GNG7: variants seen among roughly 807,000 people sequenced by gnomAD.
GNG7 encodes the protein guanine nucleotide-binding protein G(I)/G(S)/G(O) subunit gamma-7.
Under a neutral mutation model 4.0 loss-of-function variants are expected in GNG7, and 1 was observed. The observed-to-expected ratio is 0.25, with a 90% confidence interval of 0.09 to 1.18. GNG7 has a LOEUF of 1.18. Among genes scored for constraint, GNG7 ranks in the 50% most tolerant of loss-of-function variants. GNG7 has a pLI of 0.50. For missense variants in GNG7, 86 were observed against 91.9 expected (o/e 0.94, Z 0.26); for synonymous variants, 34 against 36.9 (o/e 0.92, Z 0.29).
At chr19:2,646,456 G>A (rs1331027876) in intron 1 of GNG7, among the ~76,000 whole-genome samples, 176 bp from the exon 2 acceptor site, 1 of 152,200 alleles carries the variant, frequency 6.6e-6, no homozygotes, top group African/African-American at 2.4e-5. Context: ...GGGAGGCCAA[G>A]GCAGGTGGAT....
At chr19:2,643,855 G>C (rs1982587156) in intron 2 of GNG7, 1 of 349,116 alleles carries the variant, frequency 2.9e-6, no homozygotes, top group African/African-American at 2.1e-5. Flanking sequence ...GAGCTGCCCC[G>C]ATCCCAACCC....
At chr19:2,644,686 C>G (rs757586701) in intron 2 of GNG7, among the ~76,000 whole-genome samples, 12 of 152,022 alleles carry the variant, frequency 7.9e-5, no homozygotes, top group Non-Finnish European at 1.5e-4. Flanking sequence ...TGGATCGGCC[C>G]GTCCTGAACC....
intron 2 of GNG7, among the ~76,000 whole-genome samples, chr19:2,619,491 G>A (rs892043042): frequency 7.2e-5 from 11 of 152,336 alleles, no homozygotes; most frequent in Middle Eastern, 3.4e-3. Context: ...GCCCTAATCA[G>A]GGTGAAGGGC....
chr19:2,524,418 T>C (rs1233147114), intron 3 of GNG7, among the ~76,000 whole-genome samples: 1 of 152,224 alleles, frequency 6.6e-6, no homozygotes, highest in Non-Finnish European at 1.5e-5. Context: ...CATGTCAGTG[T>C]GCACATGTGT....
In GNG7 at chr19:2,597,778, G is replaced by C. The variant is rs541358853; in HGVS notation, c.-77-42590C>G. Reference sequence around the variant, plus strand: ...AGGCGTGGTGGCGGGCGCCTGTAGTGCCAGCTACTCGGGAGGCTGAGGCAG... The same window carrying C: ...AGGCGTGGTGGCGGGCGCCTGTAGTCCCAGCTACTCGGGAGGCTGAGGCAG... On this transcript the variant is annotated intron_variant, in intron 2 of 4. Coordinates refer to ENST00000382159, the MANE Select transcript of GNG7 (RefSeq NM_052847.3). Among the ~76,000 whole-genome samples the C allele has an allele frequency of 5.7e-5, 8 of 141,472 alleles. No individual in the cohort carries two copies. In the South Asian group the frequency reaches 9.2e-4, roughly 16 times the overall value. The allele number at this position is 141,472 out of a possible 152,430, so 92.8% of individuals were successfully genotyped here. A position where few individuals can be genotyped will look rare whatever the true frequency, so the allele number is the denominator to read the frequency against.
intron 1 of GNG7, among the ~76,000 whole-genome samples, chr19:2,691,866 C>CA (rs10709787): frequency 0.076 from 9,502 of 125,854 alleles, 578 homozygotes; most frequent in African/African-American, 0.18. Flanking sequence ...GATTGCATCT[C>CA]AAAAAAAAAA....
intron 3 of GNG7, among the ~76,000 whole-genome samples, chr19:2,538,485 G>A (rs973390126): frequency 1.4e-4 from 20 of 140,490 alleles, no homozygotes; most frequent in African/African-American, 5.2e-4. Context: ...AAAAAAATTA[G>A]CCTGGCATGG....
Position 2,618,785 on chromosome 19 carries a change from C to G in GNG7, c.-78+27439G>C, listed in dbSNP as rs7253905. Among the ~76,000 whole-genome samples, 545 of 152,256 alleles carry G rather than the reference C, an allele frequency of 3.6e-3. 5 individuals are homozygous for G. Among genetic ancestry groups the G allele is most frequent in the African/African-American group, 0.013 (520 of 41,538 alleles). On this transcript the variant is annotated intron_variant, in intron 2 of 4. Coordinates refer to ENST00000382159, the MANE Select transcript of GNG7 (RefSeq NM_052847.3). This position sits in a 1 kb window ranked among gnomAD's most constrained non-coding sequence, Gnocchi z 5.1. Reference sequence around the variant, plus strand: ...CACCCTGTGTAACCACAGGGCATTGCTCACAGCTGGGGAACGCTGGCACCT... The same window carrying G: ...CACCCTGTGTAACCACAGGGCATTGGTCACAGCTGGGGAACGCTGGCACCT...
chr19:2,653,893 G>A lies in GNG7; in HGVS notation c.-134-7613C>T. Among the ~76,000 whole-genome samples, 1 of 152,172 alleles carries A rather than the reference G, an allele frequency of 6.6e-6. No individual in the cohort carries two copies. Among genetic ancestry groups the A allele is most frequent in the South Asian group, 2.1e-4 (1 of 4,830 alleles). On this transcript the variant is annotated intron_variant, in intron 1 of 4. Transcript: ENST00000382159. This position sits in a 1 kb window ranked among gnomAD's most constrained non-coding sequence, Gnocchi z 4.8. ...CCTGGCCTCGCCCATGGCTAACCTT[G>A]GCAGGCATCCCCAACAGAGGCGAGG... is the stretch of plus-strand genomic sequence containing the variant.
At chr19:2,584,267 A>G (rs1378018125) in intron 2 of GNG7, among the ~76,000 whole-genome samples, 27 of 138,908 alleles carry the variant, frequency 1.9e-4, no homozygotes, top group African/African-American at 7.1e-4. Context: ...ACATAGGGAG[A>G]CCCTATCTCC....
chr19:2,556,721 G>A (rs1402629713), intron 2 of GNG7, among the ~76,000 whole-genome samples: 1 of 152,164 alleles, frequency 6.6e-6, no homozygotes, highest in African/African-American at 2.4e-5. Flanking sequence ...CTGCAGGAAG[G>A]CGGTGACTGA....
chr19:2,552,817 G>A (rs1316959899), intron 3 of GNG7, among the ~76,000 whole-genome samples: 2 of 146,630 alleles, frequency 1.4e-5, no homozygotes, highest in African/African-American at 2.5e-5. Flanking sequence ...AAAGTAATGC[G>A]TTTGAATCGT....
chr19:2,642,999 G>A (rs1356880841), intron 2 of GNG7: 1 of 448,918 alleles, frequency 2.2e-6, no homozygotes, highest in Non-Finnish European at 4.4e-6. Context: ...GCCCTCTCCG[G>A]GCTCTACACA....
intron 3 of GNG7, among the ~76,000 whole-genome samples, chr19:2,526,877 G>A (rs1419615877): frequency 1.5e-5 from 2 of 131,362 alleles, no homozygotes; most frequent in East Asian, 2.1e-4. Context: ...AGGGAGTCTC[G>A]CTCTGTCGCC....
intron 2 of GNG7, among the ~76,000 whole-genome samples, chr19:2,621,882 C>T (rs943159288): frequency 2.6e-5 from 4 of 152,082 alleles, no homozygotes; most frequent in African/African-American, 9.7e-5. Flanking sequence ...CTGCAGACAG[C>T]TTGGTTTAGT....
intron 3 of GNG7, among the ~76,000 whole-genome samples, chr19:2,550,177 C>A (rs1160564138): frequency 6.6e-6 from 1 of 152,112 alleles, no homozygotes; most frequent in East Asian, 1.9e-4. Flanking sequence ...GCAGAAGGAG[C>A]GGCTGGGAGG....
Position 2,606,667 on chromosome 19 carries a change from ATTAAT to A in GNG7, c.-78+39552_-78+39556del, listed in dbSNP as rs1301416470. 5.4e-3 allele frequency among the ~76,000 whole-genome samples: 493 copies of A among 90,708 alleles called. 8 individuals carry two copies. Among genetic ancestry groups the A allele is most frequent in the African/African-American group, 0.016 (457 of 29,088 alleles). 59.5% of individuals were successfully genotyped at this position (90,708 alleles called of 152,430 possible). ...TGAAACTCTGTCTCAAAAAAAAATA[ATTAAT>A]TAATTAATTAATTAATTAATTTAAA... On this transcript the variant is annotated intron_variant, in intron 2 of 4. Coordinates refer to ENST00000382159, the MANE Select transcript of GNG7 (RefSeq NM_052847.3).
intron 2 of GNG7, among the ~76,000 whole-genome samples, chr19:2,622,892 C>A (rs988707400): frequency 6.6e-6 from 1 of 152,254 alleles, no homozygotes; most frequent in Non-Finnish European, 1.5e-5. Context: ...TTTTCACTTT[C>A]ACCGTGTATC....
At chr19:2,685,989 C>T (rs964345488) in intron 1 of GNG7, among the ~76,000 whole-genome samples, 18 of 152,098 alleles carry the variant, frequency 1.2e-4, no homozygotes, top group Non-Finnish European at 2.1e-4. Context: ...CACTCCAACC[C>T]CACCTCAGCC....
Sources: allele counts gnomAD v4.1 joint callset (sites outside exome capture counted in the v4.1 genomes callset), GRCh38; gene constraint gnomAD v4.1.1; non-coding constraint Gnocchi (gnomAD v3.1); transcripts MANE v1.5; gene names NCBI Gene and HGNC (gene_info 2026-07-23, HGNC 2026-07-21).